DNAH17: variants seen among roughly 807,000 people sequenced by gnomAD.
DNAH17 encodes dynein axonemal heavy chain 17.
In DNAH17, 376 loss-of-function variants were observed where a neutral mutation model predicts 485.6. That is an observed-to-expected ratio of 0.77 (90% confidence interval 0.71 to 0.84). The LOEUF (loss-of-function observed/expected upper bound fraction) is 0.84, where lower values mean the gene tolerates loss of function less well. DNAH17 is among the 40% of genes least tolerant of loss of function. DNAH17 has a pLI of 0.00. For synonymous variants in DNAH17, 3,031 were observed against 2,405.9 expected, an observed-to-expected ratio of 1.26 and a Z score of -7.60; for missense variants, 6,370 against 5,839.3, an observed-to-expected ratio of 1.09 and a Z score of -2.96.
intron 20 of DNAH17, among the ~76,000 whole-genome samples, chr17:78,531,607 G>C (rs1490895535): frequency 6.6e-6 from 1 of 152,146 alleles, no homozygotes; most frequent in African/African-American, 2.4e-5. Flanking sequence ...CAAAGTGCTG[G>C]TATCACAGGC....
intron 29 of DNAH17, 103 bp from the exon 30 acceptor site, chr17:78,506,949 T>C (rs1398743725): frequency 2.0e-6 from 3 of 1,491,320 alleles, no homozygotes; most frequent in Non-Finnish European, 2.8e-6. Context: ...TGGAGATGCC[T>C]GGACTGCTGT....
intron 44 of DNAH17, 60 bp from the exon 45 acceptor site, chr17:78,486,566 GCCTTGGTAAACGCCCCT>G: frequency 6.5e-7 from 1 of 1,532,130 alleles, no homozygotes; most frequent in Non-Finnish European, 8.8e-7. Context: ...CAGTGTCCCT[GCCTTGGTAAACGCCCCT>G]CCCTACCTCC....
At position 78,502,667 on chromosome 17, in the gene DNAH17, G is replaced by T. The variant is rs189137994; in HGVS notation, c.5114C>A (p.Thr1705Lys). 1 of 1,612,384 alleles carries T rather than the reference G, an allele frequency of 6.2e-7. No homozygotes were observed. Among genetic ancestry groups the T allele is most frequent in the African/African-American group, 1.3e-5 (1 of 74,898 alleles). The change falls in exon 33 of 81, where the codon ACG becomes AAG. Residue 1705 changes from threonine to lysine, a missense_variant. By Grantham distance (78) the Thr-to-Lys change is moderately conservative. Transcript: ENST00000389840. ...GGCAAATGCCAGGCCCACCTCGGTC[G>T]TCCACCAGATCTGGGTGCAAGTCAG... ...VALTCTQIWWTTEVGLAFARL... is the reference protein window; with the variant it reads ...VALTCTQIWWKTEVGLAFARL...
Position 78,566,647 on chromosome 17 carries a change from A to AT in DNAH17, c.1535_1536insA (p.Phe512LeufsTer2). Reference sequence around the variant, plus strand: ...AGGACTTGATACAGCTGCAGTCATCAAATCCTTGGCAAAAGATCGTGGCCA... The same window carrying AT: ...AGGACTTGATACAGCTGCAGTCATCATAATCCTTGGCAAAAGATCGTGGCCA... On this transcript the variant is annotated frameshift_variant, in exon 11 of 81. Transcript: ENST00000389840. LOFTEE classifies it high-confidence loss of function. 1 of 1,610,578 alleles carries AT rather than the reference A, an allele frequency of 6.2e-7. No homozygotes were observed. The highest frequency in any genetic ancestry group is 2.2e-5 in the East Asian group (1 of 44,834).
intron 48 of DNAH17, 72 bp downstream of exon 48, chr17:78,484,796 C>T (rs2089521812): frequency 2.8e-6 from 4 of 1,412,682 alleles, no homozygotes; most frequent in Non-Finnish European, 3.7e-6. Context: ...CCGCCTCTTC[C>T]TGCGCCCCGC....
chr17:78,532,932 T>G, intron 19 of DNAH17, 196 bp from the exon 20 acceptor site: 1 of 584,404 alleles, frequency 1.7e-6, no homozygotes, highest in Non-Finnish European at 2.9e-6. Context: ...TCCTGGGAGG[T>G]CACCATACTG....
chr17:78,464,778 G>A (rs1202642583), intron 56 of DNAH17, among the ~76,000 whole-genome samples: 1 of 152,226 alleles, frequency 6.6e-6, no homozygotes. Context: ...CTGGAGCCTT[G>A]GCTGCGCCGG....
chr17:78,428,626 A>G lies in DNAH17; in HGVS notation c.12487T>C (p.Phe4163Leu). 1.2e-6 allele frequency: 2 copies of G among 1,613,994 alleles called. No homozygotes were observed. The highest frequency in any genetic ancestry group is 1.7e-6 in the Non-Finnish European group (2 of 1,179,914). The part of the protein sequence containing the change: ...YGLHPNAEIG[F>L]LTVTSEKLFR... Reference sequence around the variant, plus strand: ...AGCTTCTCTGAGGTGACCGTCAGAAAGCCAATCTCTGCGTTGGGGTGCAGG... The same window carrying G: ...AGCTTCTCTGAGGTGACCGTCAGAAGGCCAATCTCTGCGTTGGGGTGCAGG... The change falls in exon 77 of 81, where the codon TTT becomes CTT. Residue 4163 changes from phenylalanine to leucine, a missense_variant. Coordinates refer to ENST00000389840, the MANE Select transcript of DNAH17 (RefSeq NM_173628.4).
chr17:78,482,243 C>T (rs1272706504), intron 48 of DNAH17, among the ~76,000 whole-genome samples: 1 of 151,962 alleles, frequency 6.6e-6, no homozygotes, highest in African/African-American at 2.4e-5. Context: ...CAGGGTCTCA[C>T]TATATGACCT....
intron 25 of DNAH17, among the ~76,000 whole-genome samples, chr17:78,518,903 T>C (rs1409886810): frequency 6.6e-6 from 1 of 151,998 alleles, no homozygotes; most frequent in Non-Finnish European, 1.5e-5. Context: ...GCGTGGTGGC[T>C]CACGCCTGTA....
At chr17:78,483,954 G>A (rs1246114713) in intron 48 of DNAH17, among the ~76,000 whole-genome samples, 4 of 151,672 alleles carry the variant, frequency 2.6e-5, no homozygotes, top group South Asian at 2.1e-4. Flanking sequence ...AAAATTAGCC[G>A]GCGTGGTGGT....
chr17:78,494,120 C>T lies in DNAH17; in HGVS notation c.6324G>A (p.Val2108=), dbSNP rs2089974415. Residue 2108 remains valine (V), a synonymous_variant, in exon 41 of 81, where the codon GTG becomes GTA. Transcript: ENST00000389840. Reference sequence around the variant, plus strand: ...GCTCCTCCAGCTGCACCACCTTCAGCACGAAGCTGTCCTCCGCCTGCAGCT... The same window carrying T: ...GCTCCTCCAGCTGCACCACCTTCAGTACGAAGCTGTCCTCCGCCTGCAGCT... ...ELKLQAEDSF[V]LKVVQLEELL... is the part of the protein sequence containing the mutation. The T allele has an allele frequency of 6.2e-7, 1 of 1,612,862 alleles. No individual in the cohort carries two copies. Among genetic ancestry groups the T allele is most frequent in the Admixed American group, 1.7e-5 (1 of 60,014 alleles).
chr17:78,460,929 A>G (rs1391536916), intron 58 of DNAH17, among the ~76,000 whole-genome samples: 1 of 152,160 alleles, frequency 6.6e-6, no homozygotes, highest in Non-Finnish European at 1.5e-5. Context: ...ACGCTCTTCA[A>G]TAATTACACA....
At chr17:78,528,055 A>T (rs2091124408) in intron 22 of DNAH17, among the ~76,000 whole-genome samples, 1 of 152,120 alleles carries the variant, frequency 6.6e-6, no homozygotes, top group Non-Finnish European at 1.5e-5. Flanking sequence ...CTGAAATTAC[A>T]GGCATGAGCC....
At chr17:78,507,431 G>A (rs374666929) in intron 28 of DNAH17, 27 bp downstream of exon 28, 357 of 1,613,486 alleles carry the variant, frequency 2.2e-4, no homozygotes, top group Non-Finnish European at 2.7e-4. Context: ...TTTCTGAAGT[G>A]CGTGGGAACC....
chr17:78,566,872 T>C, intron 10 of DNAH17, 127 bp downstream of exon 10: 1 of 1,347,238 alleles, frequency 7.4e-7, no homozygotes, highest in Non-Finnish European at 1.0e-6. Flanking sequence ...CTACACAGTT[T>C]TCAAAGTGTT....
At chr17:78,486,609 G>A (rs1004677421) in intron 44 of DNAH17, 103 bp from the exon 45 acceptor site, 3 of 1,403,288 alleles carry the variant, frequency 2.1e-6, no homozygotes, top group Non-Finnish European at 2.8e-6. Context: ...ATTCTGCTGG[G>A]GCTGCCCTCA....
At chr17:78,553,086 T>C (rs2091939098) in intron 14 of DNAH17, among the ~76,000 whole-genome samples, 1 of 152,016 alleles carries the variant, frequency 6.6e-6, no homozygotes, top group Non-Finnish European at 1.5e-5. Flanking sequence ...TAAACAGGTG[T>C]AGCACCTCCC....
rs763215807 is a variant in DNAH17, at chr17:78,427,022, G to A, written c.12675C>T (p.Thr4225=). ...CTTGAAAGGCGACTACCACGTAGGG[G>A]GTCTTTTCCGCTGCCTTTGCCATGA... is the stretch of plus-strand genomic sequence containing the variant. ...AEIMAKAAEK[T]PYVVVAFQEC... is the part of the protein sequence containing the mutation. Residue 4225 remains threonine, a synonymous_variant, in exon 78 of 81, where the codon ACC becomes ACT. Transcript: ENST00000389840. 4 of 1,607,516 alleles carry A rather than the reference G, an allele frequency of 2.5e-6. No individual in the cohort carries two copies. In the African/African-American group the frequency reaches 4.0e-5, roughly 16 times the overall value.
Sources: gnomAD v4.1 joint callset for allele counts (sites outside exome capture counted in the v4.1 genomes callset) on GRCh38, gnomAD v4.1.1 for gene constraint, MANE v1.5 for transcripts, NCBI Gene and HGNC (gene_info 2026-07-23, HGNC 2026-07-21) for gene names.